The following CHN2 variants were observed in gnomAD, a reference collection of about 807,000 sequenced individuals.
CHN2 encodes beta-chimaerin.
CHN2 carries 35 observed loss-of-function variants against 56.3 expected under a neutral mutation model. The ratio of observed to expected loss-of-function variants is 0.62; its 90% CI spans 0.47 to 0.82. The LOEUF is 0.82. Ranked by LOEUF, CHN2 falls within the 40% of genes least tolerant of loss-of-function variation. CHN2 has a pLI of 0.00. For synonymous variants in CHN2, 210 were observed against 212.8 expected (o/e 0.99, Z 0.12); for missense variants, 491 against 580.5 (o/e 0.85, Z 1.58).
At chr7:29,354,779 C>T in intron 2 of CHN2, 116 bp downstream of exon 2, 1 of 871,772 alleles carries the variant, frequency 1.1e-6, no homozygotes, top group Admixed American at 2.2e-5. Flanking sequence ...ACTGAAAACC[C>T]AAATCTTTCT....
intron 1 of CHN2, among the ~76,000 whole-genome samples, chr7:29,275,537 A>G (rs955092206): frequency 6.6e-6 from 1 of 152,380 alleles, no homozygotes; most frequent in South Asian, 2.1e-4. Flanking sequence ...CAGGGCAAGA[A>G]TAGCAATATA....
intron 1 of CHN2, among the ~76,000 whole-genome samples, chr7:29,353,571 T>G (rs1798049810): frequency 6.6e-6 from 1 of 152,084 alleles, no homozygotes; most frequent in Non-Finnish European, 1.5e-5. Context: ...GGAGAATCAC[T>G]TGAACCCAGG....
intron 6 of CHN2, among the ~76,000 whole-genome samples, chr7:29,456,828 G>A (rs1784806177): frequency 6.6e-6 from 1 of 152,044 alleles, no homozygotes; most frequent in African/African-American, 2.4e-5. Context: ...TCAGGCCCTG[G>A]TGGCTGCCTC....
chr7:29,355,478 C>A (rs1798222209), intron 2 of CHN2, among the ~76,000 whole-genome samples: 1 of 152,152 alleles, frequency 6.6e-6, no homozygotes, highest in African/African-American at 2.4e-5. Context: ...CCTAGCTCCC[C>A]TCGTGAAGGC....
chr7:29,336,308 G>A (rs1400146419), intron 1 of CHN2, among the ~76,000 whole-genome samples: 1 of 152,114 alleles, frequency 6.6e-6, no homozygotes, highest in East Asian at 1.9e-4. Context: ...TAACTATCCA[G>A]TGTGAGAAAA....
At chr7:29,408,626 T>C (rs1802886475) in intron 6 of CHN2, among the ~76,000 whole-genome samples, 2 of 152,162 alleles carry the variant, frequency 1.3e-5, no homozygotes, top group African/African-American at 4.8e-5. Flanking sequence ...GATTATTGCC[T>C]GAAATATAAA....
chr7:29,492,330 G>A (rs919684263), intron 7 of CHN2, among the ~76,000 whole-genome samples: 2 of 152,026 alleles, frequency 1.3e-5, no homozygotes, highest in Non-Finnish European at 2.9e-5. Flanking sequence ...TGCAATTTCA[G>A]TATAATGGCA....
chr7:29,455,837 C>T (rs955443732), intron 6 of CHN2, among the ~76,000 whole-genome samples: 2 of 152,136 alleles, frequency 1.3e-5, no homozygotes, highest in Non-Finnish European at 2.9e-5. Flanking sequence ...CTCCTCTGGC[C>T]GTGTGGTGGC....
rs557581168 is a variant in CHN2, at chr7:29,318,424, C to T, written c.50-36201C>T. On this transcript the variant is annotated intron_variant, in intron 1 of 12. Coordinates refer to ENST00000222792, the MANE Select transcript of CHN2 (RefSeq NM_004067.4). ...CTCCAGCCCTTTACAGGAAGTTTGTCGACTCCTTTCCCAGAGGGTTCTAGA... is the reference window on the plus strand; with the variant it reads ...CTCCAGCCCTTTACAGGAAGTTTGTTGACTCCTTTCCCAGAGGGTTCTAGA... 7.2e-5 allele frequency among the ~76,000 whole-genome samples: 11 copies of T among 152,250 alleles called. No homozygotes were observed. The South Asian group carries it at 1.5e-3, about 20-fold the overall frequency.
At chr7:29,370,992 A>G (rs1799562323) in intron 3 of CHN2, among the ~76,000 whole-genome samples, 1 of 152,214 alleles carries the variant, frequency 6.6e-6, no homozygotes, top group African/African-American at 2.4e-5. Context: ...TTACTCTCTC[A>G]GGGAGATTAA....
chr7:29,346,248 G>A (rs1364187241), intron 1 of CHN2, among the ~76,000 whole-genome samples: 5 of 152,180 alleles, frequency 3.3e-5, no homozygotes, highest in Non-Finnish European at 7.3e-5. Context: ...ACGTGCTGCT[G>A]AGGACCCAAG....
chr7:29,497,696 A>G (rs542555428), intron 8 of CHN2, among the ~76,000 whole-genome samples: 1 of 152,340 alleles, frequency 6.6e-6, no homozygotes, highest in African/African-American at 2.4e-5. Context: ...TTTGTAGAAT[A>G]TGGATTTCTA....
chr7:29,459,361 T>A (rs1342795285), intron 6 of CHN2, among the ~76,000 whole-genome samples: 3 of 152,190 alleles, frequency 2.0e-5, no homozygotes, highest in Admixed American at 6.5e-5. Flanking sequence ...TTTCCCCATG[T>A]CATTTGGAAT....
chr7:29,370,273 C>T (rs904114975), intron 3 of CHN2, among the ~76,000 whole-genome samples: 1 of 152,180 alleles, frequency 6.6e-6, no homozygotes, highest in Non-Finnish European at 1.5e-5. Flanking sequence ...CTACTACAGA[C>T]GGTGCTTAGT....
intron 6 of CHN2, among the ~76,000 whole-genome samples, chr7:29,452,144 C>G (rs1220495286): frequency 6.6e-6 from 1 of 152,150 alleles, no homozygotes; most frequent in Admixed American, 6.5e-5. Context: ...TGCATAGACC[C>G]CTACAAATTA....
intron 1 of CHN2, among the ~76,000 whole-genome samples, chr7:29,209,163 A>T (rs983176798): frequency 4.6e-5 from 7 of 151,988 alleles, no homozygotes; most frequent in Admixed American, 1.3e-4. Context: ...TGGAGTGCAG[A>T]TGGTCCAGCC....
rs532965969 is a variant in CHN2, at chr7:29,335,953, A to C, written c.50-18672A>C. 6.6e-5 allele frequency: 10 copies of C among 152,454 alleles called. No individual in the cohort carries two copies. In the East Asian group the frequency reaches 1.9e-3, roughly 29 times the overall value. 9.4% of individuals were successfully genotyped at this position (152,454 alleles called of 1,614,324 possible). A position where few individuals can be genotyped will look rare whatever the true frequency, so the allele number is the denominator to read the frequency against. On this transcript the variant is annotated intron_variant, in intron 1 of 12. Transcript: ENST00000222792. Reference sequence around the variant, plus strand: ...TGGTGCTGAGGAGAGTAAAGCTGCCAGGGAAAACCGAGGGGACACACGGAC... The same window carrying C: ...TGGTGCTGAGGAGAGTAAAGCTGCCCGGGAAAACCGAGGGGACACACGGAC...
intron 1 of CHN2, among the ~76,000 whole-genome samples, chr7:29,244,969 C>T (rs980108090): frequency 1.3e-5 from 2 of 152,070 alleles, no homozygotes; most frequent in Admixed American, 1.3e-4. Context: ...CTTTTTGGGC[C>T]GTGTCTTCAA....
intron 3 of CHN2, among the ~76,000 whole-genome samples, chr7:29,382,845 G>A (rs569851987): frequency 5.9e-5 from 9 of 152,178 alleles, no homozygotes; most frequent in Non-Finnish European, 1.0e-4. Flanking sequence ...ATTCCAGGCA[G>A]AGGACATAAC....
Sources: allele counts gnomAD v4.1 joint callset (sites outside exome capture counted in the v4.1 genomes callset), GRCh38; gene constraint gnomAD v4.1.1; transcripts MANE v1.5; gene names NCBI Gene and HGNC (gene_info 2026-07-23, HGNC 2026-07-21).